The following CLEC16A variants were observed in gnomAD, a reference collection of about 807,000 sequenced individuals.
CLEC16A encodes protein CLEC16A.
A neutral mutation model predicts 109.5 loss-of-function variants in CLEC16A; 51 were observed. The observed-to-expected ratio is 0.47, with a 90% CI of 0.37 to 0.59. The LOEUF (loss-of-function observed/expected upper bound fraction) is 0.59, where lower values mean the gene tolerates loss of function less well. Ranked by LOEUF, CLEC16A falls within the 20% of genes least tolerant of loss-of-function variation. The probability of loss-of-function intolerance (pLI) is 0.00; values close to 1 mark genes in which losing one functional copy is unlikely to be tolerated. For missense variants in CLEC16A, 1,339 were observed against 1,394.0 expected (o/e 0.96, Z 0.63); for synonymous variants, 673 against 564.2 (o/e 1.19, Z -2.73).
chr16:11,014,529 G>GA (rs139108265), intron 11 of CLEC16A, among the ~76,000 whole-genome samples: 2 of 151,790 alleles, frequency 1.3e-5, no homozygotes, highest in African/African-American at 2.4e-5. Context: ...GTATTTAAGT[G>GA]AAAAAAAAGT....
At chr16:11,035,851 G>A (rs2046986764) in intron 13 of CLEC16A, among the ~76,000 whole-genome samples, 1 of 152,158 alleles carries the variant, frequency 6.6e-6, no homozygotes, top group African/African-American at 2.4e-5. Context: ...AAATGATAAG[G>A]CCTCCTTCAA....
chr16:10,988,642 G>T (rs377406992), intron 10 of CLEC16A, among the ~76,000 whole-genome samples: 66 of 152,254 alleles, frequency 4.3e-4, no homozygotes, highest in African/African-American at 1.6e-3. Context: ...GTTTGCAGTG[G>T]GCTGCTTTTG....
chr16:11,177,603 A>G (rs760377531), intron 23 of CLEC16A, among the ~76,000 whole-genome samples: 11 of 141,068 alleles, frequency 7.8e-5, no homozygotes, highest in African/African-American at 1.0e-4. Flanking sequence ...CCGCCAAAAG[A>G]AAAAAAAAAA....
At chr16:11,120,850 T>G (rs750209810) in intron 20 of CLEC16A, 84 bp downstream of exon 20, 65 of 1,166,028 alleles carry the variant, frequency 5.6e-5, no homozygotes, top group Non-Finnish European at 6.9e-5. Flanking sequence ...CACACACAAT[T>G]GTCATCTTTA....
intron 19 of CLEC16A, among the ~76,000 whole-genome samples, chr16:11,105,621 C>G (rs77508258): frequency 8.4e-4 from 128 of 152,274 alleles, no homozygotes; most frequent in African/African-American, 3.0e-3. Context: ...TGTGGAAAAC[C>G]CCACCTTTGG....
At chr16:11,127,850 A>G (rs1411362435) in intron 22 of CLEC16A, among the ~76,000 whole-genome samples, 1 of 152,192 alleles carries the variant, frequency 6.6e-6, no homozygotes, top group Non-Finnish European at 1.5e-5. Flanking sequence ...AGCCTGGGCA[A>G]CAGAGTGAGA....
At chr16:11,105,287 G>A (rs1264448810) in intron 19 of CLEC16A, among the ~76,000 whole-genome samples, 4 of 152,160 alleles carry the variant, frequency 2.6e-5, no homozygotes, top group Admixed American at 6.5e-5. Context: ...CCTTGGACTC[G>A]GTTTCTGGTA....
At chr16:11,072,319 A>G (rs559664839) in intron 19 of CLEC16A, among the ~76,000 whole-genome samples, 87 of 149,970 alleles carry the variant, frequency 5.8e-4, no homozygotes, top group African/African-American at 2.1e-3. Flanking sequence ...GGGTCTCTCT[A>G]TGTTGCCCAG....
chr16:11,034,820 A>G (rs962070668), intron 13 of CLEC16A, among the ~76,000 whole-genome samples: 2 of 152,190 alleles, frequency 1.3e-5, no homozygotes, highest in Non-Finnish European at 2.9e-5. Flanking sequence ...TGTCAGAGGG[A>G]AATGACTGGC....
chr16:11,086,001 A>G (rs974959512), intron 19 of CLEC16A, among the ~76,000 whole-genome samples: 3 of 152,248 alleles, frequency 2.0e-5, no homozygotes, highest in African/African-American at 7.2e-5. Context: ...TCCTCTGGGC[A>G]GTAGGGAGAA....
At chr16:11,112,125 A>T (rs758969716) in intron 19 of CLEC16A, among the ~76,000 whole-genome samples, 18 of 152,182 alleles carry the variant, frequency 1.2e-4, no homozygotes, top group Non-Finnish European at 2.4e-4. Flanking sequence ...TCAAAAGTAC[A>T]ATGTAGGCAG....
In CLEC16A at chr16:10,958,018, A is replaced by G. The variant is rs183803896; in HGVS notation, c.209+108A>G. 7.2e-4 allele frequency: 805 copies of G among 1,114,666 alleles called. 12 individuals are homozygous for G. The East Asian group carries it at 0.012, about 17-fold the overall frequency. 69.0% of individuals were successfully genotyped at this position (1,114,666 alleles called of 1,614,324 possible). ...GATGTCAGGATTTGACGCTAATTTGATCTTGCCTAGATATCTATCTCTGTC... is the reference window on the plus strand; with the variant it reads ...GATGTCAGGATTTGACGCTAATTTGGTCTTGCCTAGATATCTATCTCTGTC... On this transcript the variant is annotated intron_variant, in intron 2 of 23. Coordinates refer to ENST00000409790, the MANE Select transcript of CLEC16A (RefSeq NM_015226.3).
intron 14 of CLEC16A, chr16:11,041,435 G>A (rs1256008816): frequency 1.3e-5 from 2 of 152,202 alleles, no homozygotes; most frequent in East Asian, 3.8e-4. Context: ...GGCAAAGCTG[G>A]ATCCAGGGGC....
intron 12 of CLEC16A, among the ~76,000 whole-genome samples, chr16:11,022,715 C>T (rs774834040): frequency 4.0e-5 from 6 of 151,852 alleles, no homozygotes; most frequent in African/African-American, 7.2e-5. Flanking sequence ...CTGGCTAACA[C>T]GGTGAAACCC....
At chr16:11,062,228 A>G (rs1019241866) in intron 19 of CLEC16A, among the ~76,000 whole-genome samples, 1 of 152,154 alleles carries the variant, frequency 6.6e-6, no homozygotes, top group Non-Finnish European at 1.5e-5. Context: ...CAAAGAAGGG[A>G]TGGTGGCTGG....
Position 11,113,390 on chromosome 16 carries a change from TA to T in CLEC16A, c.2117-7221del, listed in dbSNP as rs377036694. ...GAAAATCAGAGCAGTGTGTAGAAAC[TA>T]AAATCGGCCTGTAATTCCAGCACTT... On this transcript the variant is annotated intron_variant, in intron 19 of 23. Coordinates refer to ENST00000409790, the MANE Select transcript of CLEC16A (RefSeq NM_015226.3). Among the ~76,000 whole-genome samples, 440 of 152,294 alleles carry T rather than the reference TA, an allele frequency of 2.9e-3. 5 individuals are homozygous for T. Among genetic ancestry groups the T allele is most frequent in the African/African-American group, 0.01 (428 of 41,564 alleles).
chr16:11,007,942 G>A (rs2045135659), intron 11 of CLEC16A, among the ~76,000 whole-genome samples: 1 of 152,070 alleles, frequency 6.6e-6, no homozygotes, highest in South Asian at 2.1e-4. Flanking sequence ...GAGAATTAGA[G>A]GTGAATTAGG....
intron 2 of CLEC16A, 141 bp downstream of exon 2, chr16:10,958,051 A>T (rs750118777): frequency 2.2e-4 from 23 of 106,320 alleles, no homozygotes; most frequent in Middle Eastern, 2.3e-3. Flanking sequence ...GTCTAGCTGT[A>T]AAAAAAAAAA....
At position 11,169,668 on chromosome 16, in the gene CLEC16A, C is replaced by T. The variant is rs536960002; in HGVS notation, c.2806+3116C>T. Reference sequence around the variant, plus strand: ...CCATCCCCCAAGTGATGAGACAGGCCCAGTTTTCCATAGCTCTAGCCCACG... The same window carrying T: ...CCATCCCCCAAGTGATGAGACAGGCTCAGTTTTCCATAGCTCTAGCCCACG... On this transcript the variant is annotated intron_variant, in intron 23 of 23. Transcript: ENST00000409790. 1.2e-4 allele frequency among the ~76,000 whole-genome samples: 18 copies of T among 152,322 alleles called. No individual in the cohort carries two copies. In the East Asian group the frequency reaches 3.5e-3, roughly 29 times the overall value.
Sources: allele counts gnomAD v4.1 joint callset (sites outside exome capture counted in the v4.1 genomes callset), GRCh38; gene constraint gnomAD v4.1.1; transcripts MANE v1.5; gene names NCBI Gene and HGNC (gene_info 2026-07-23, HGNC 2026-07-21).